Variants in SCUBE1 observed in about 807,000 individuals in gnomAD.
The protein encoded by SCUBE1 is signal peptide, CUB and EGF-like domain-containing protein 1.
In SCUBE1, 59 loss-of-function variants were observed where a neutral mutation model predicts 124.4. The ratio of observed to expected loss-of-function variants is 0.47; its 90% confidence interval spans 0.38 to 0.59. The LOEUF (loss-of-function observed/expected upper bound fraction) is 0.59. Among genes scored for constraint, SCUBE1 ranks in the 20% least tolerant of loss-of-function variants. The pLI, the probability that SCUBE1 is intolerant of heterozygous loss-of-function variation, is 0.00. For synonymous variants in SCUBE1, 545 were observed against 550.9 expected, an observed-to-expected ratio of 0.99 and a Z score of 0.15; for missense variants, 1,150 against 1,371.2, an observed-to-expected ratio of 0.84 and a Z score of 2.55.
At chr22:43,318,688 C>CT (rs1226573819) in intron 3 of SCUBE1, among the ~76,000 whole-genome samples, 4 of 152,156 alleles carry the variant, frequency 2.6e-5, no homozygotes, top group African/African-American at 4.8e-5. Flanking sequence ...TACTCTTCTC[C>CT]TTTTTTCCAA....
At chr22:43,307,210 C>T (rs1926002374) in intron 3 of SCUBE1, among the ~76,000 whole-genome samples, 1 of 152,186 alleles carries the variant, frequency 6.6e-6, no homozygotes, top group Non-Finnish European at 1.5e-5. Flanking sequence ...AGGGCCATGT[C>T]AGAGGGAAGC....
chr22:43,324,157 C>A (rs1359442170), intron 2 of SCUBE1, among the ~76,000 whole-genome samples: 1 of 152,200 alleles, frequency 6.6e-6, no homozygotes, highest in Admixed American at 6.5e-5. Flanking sequence ...TGCCTGTTGT[C>A]AGGGCGTAAT....
At chr22:43,292,073 C>T (rs1393832312) in intron 3 of SCUBE1, among the ~76,000 whole-genome samples, 1 of 152,164 alleles carries the variant, frequency 6.6e-6, no homozygotes, top group Non-Finnish European at 1.5e-5. Flanking sequence ...CCACGAGCCC[C>T]GTCTCTTGAC....
chr22:43,224,051 C>A (rs995825174), intron 10 of SCUBE1, among the ~76,000 whole-genome samples: 8 of 152,270 alleles, frequency 5.3e-5, no homozygotes, highest in African/African-American at 1.9e-4. Flanking sequence ...ACAGCTCCCC[C>A]TTACTTAAGC....
intron 7 of SCUBE1, among the ~76,000 whole-genome samples, chr22:43,236,718 C>G (rs529925565): frequency 1.1e-3 from 172 of 152,276 alleles, no homozygotes; most frequent in Non-Finnish European, 2.0e-3. Flanking sequence ...CCTCAGCCCT[C>G]CCCGGCCTCC....
chr22:43,335,922 ATGG>A (rs1228952524), intron 2 of SCUBE1, among the ~76,000 whole-genome samples: 12 of 151,346 alleles, frequency 7.9e-5, no homozygotes, highest in African/African-American at 2.7e-4. Context: ...GATGGTGATG[ATGG>A]TGGTGATGAT....
At chr22:43,334,682 C>T (rs947562643) in intron 2 of SCUBE1, among the ~76,000 whole-genome samples, 4 of 150,942 alleles carry the variant, frequency 2.7e-5, no homozygotes, top group East Asian at 3.9e-4. Context: ...ACATTATCAT[C>T]GCCATCAACA....
At position 43,203,861 on chromosome 22, in the gene SCUBE1, T is replaced by C. The variant is rs1921106214; in HGVS notation, c.*136A>G. 3.3e-6 allele frequency: 3 copies of C among 921,614 alleles called. No individual in the cohort carries two copies. In the South Asian group the frequency reaches 5.0e-5, roughly 15 times the overall value. 57.1% of individuals were successfully genotyped at this position (921,614 alleles called of 1,614,324 possible). A position where few individuals can be genotyped will look rare whatever the true frequency, so the allele number is the denominator to read the frequency against. ...GAAGGGTGCCTGGGCTCGGTCTCCA[T>C]GGGCTGGTCGGCTTCCCTGAAGGGC... On this transcript the variant is annotated 3_prime_UTR_variant, in exon 22 of 22. Transcript: ENST00000360835.
chr22:43,221,144 G>T, intron 13 of SCUBE1, 29 bp downstream of exon 13: 1 of 1,561,242 alleles, frequency 6.4e-7, no homozygotes, highest in Non-Finnish European at 8.8e-7. Context: ...CCCCGTTGGT[G>T]TGGGTTAGGA....
At chr22:43,335,954 A>AATGATGATGGTGATG (rs1239854590) in intron 2 of SCUBE1, among the ~76,000 whole-genome samples, 2 of 118,682 alleles carry the variant, frequency 1.7e-5, no homozygotes, top group East Asian at 2.5e-4. Flanking sequence ...TGAAGATGAT[A>AATGATGATGGTGATG]ATGATGATGG....
chr22:43,282,786 C>T (rs1924975673), intron 4 of SCUBE1: 1 of 152,046 alleles, frequency 6.6e-6, no homozygotes, highest in Non-Finnish European at 1.5e-5. Context: ...ACCTCCGCCT[C>T]CCGGGTTCAA....
chr22:43,201,379 A>AT lies in SCUBE1; in HGVS notation c.*2617dup, dbSNP rs1214008116. 6.6e-6 allele frequency: 1 copy of AT among 151,848 alleles called. No homozygotes were observed. The highest frequency in any genetic ancestry group is 1.9e-4 in the East Asian group (1 of 5,190). The allele number at this position is 151,848 out of a possible 1,614,324, so 9.4% of individuals were successfully genotyped here. On this transcript the variant is annotated 3_prime_UTR_variant, in exon 22 of 22. Coordinates refer to ENST00000360835, the MANE Select transcript of SCUBE1 (RefSeq NM_173050.5). ...AAAACAAAAAAAACAAAACAAAAAC[A>AT]TTTAAGTGTGATGGTTGATTGCATG...
intron 13 of SCUBE1, 62 bp from the exon 14 acceptor site, chr22:43,220,649 A>C: frequency 6.3e-7 from 1 of 1,580,284 alleles, no homozygotes; most frequent in East Asian, 2.3e-5. Context: ...GGTCCTACCA[A>C]GCCCTGCATA....
In SCUBE1 at chr22:43,250,814, G is replaced by A. The variant is rs1338474160; in HGVS notation, c.727+7405C>T. 2.0e-5 allele frequency among the ~76,000 whole-genome samples: 3 copies of A among 152,206 alleles called. No individual in the cohort carries two copies. The East Asian group carries it at 5.8e-4, about 29-fold the overall frequency. On this transcript the variant is annotated intron_variant, in intron 6 of 21. Coordinates refer to ENST00000360835, the MANE Select transcript of SCUBE1 (RefSeq NM_173050.5). The stretch of plus-strand genomic sequence containing the variant: ...GGGGGTGGTGGGACCCCTGGAATGG[G>A]CTGGCTGTGAGTTCTGCTGATGTCG...
rs146977438 is a variant in SCUBE1 at position 43,265,127 on chromosome 22, C to T, written c.485-2282G>A. 7.0e-4 allele frequency among the ~76,000 whole-genome samples: 106 copies of T among 152,332 alleles called. 1 individual carries two copies. In the East Asian group the frequency reaches 0.019, roughly 27 times the overall value. The stretch of plus-strand genomic sequence containing the variant: ...GCCTTGCTAATCATCACCAACCATA[C>T]ATTTGTCACTGGGGAGCTGATGCAC... On this transcript the variant is annotated intron_variant, in intron 4 of 21. Transcript: ENST00000360835.
At chr22:43,250,251 G>A (rs1923387610) in intron 6 of SCUBE1, among the ~76,000 whole-genome samples, 1 of 152,258 alleles carries the variant, frequency 6.6e-6, no homozygotes, top group African/African-American at 2.4e-5. Context: ...CAGGTCTAGG[G>A]CCCTGTCTCC....
At chr22:43,342,661 G>T (rs934369338) in intron 1 of SCUBE1, among the ~76,000 whole-genome samples, 3 of 151,590 alleles carry the variant, frequency 2.0e-5, no homozygotes, top group African/African-American at 7.3e-5. Context: ...CTACCCTTCC[G>T]CATCTGTCTT....
chr22:43,262,898 G>A (rs1426685331), intron 4 of SCUBE1, 53 bp from the exon 5 acceptor site: 1 of 1,583,418 alleles, frequency 6.3e-7, no homozygotes, highest in African/African-American at 1.4e-5. Context: ...GAGAGGGAGA[G>A]AGAAAATTTC....
chr22:43,205,216 C>G (rs557834824), intron 21 of SCUBE1, among the ~76,000 whole-genome samples: 14 of 152,162 alleles, frequency 9.2e-5, no homozygotes, highest in African/African-American at 3.4e-4. Context: ...CAGAGAACCT[C>G]TCCTCAGCGG....
Sources: allele counts gnomAD v4.1 joint callset (sites outside exome capture counted in the v4.1 genomes callset), GRCh38; gene constraint gnomAD v4.1.1; transcripts MANE v1.5; gene names NCBI Gene and HGNC (gene_info 2026-07-23, HGNC 2026-07-21).